Variants in IGF1R observed in about 807,000 individuals in gnomAD.
The protein encoded by IGF1R is insulin like growth factor 1 receptor.
A neutral mutation model predicts 144.6 loss-of-function variants in IGF1R; 44 were observed. The ratio of observed to expected loss-of-function variants is 0.30; its 90% CI spans 0.24 to 0.39. The LOEUF (loss-of-function observed/expected upper bound fraction) is 0.39, where lower values mean the gene tolerates loss of function less well. Ranked by LOEUF, IGF1R falls within the 10% of genes least tolerant of loss-of-function variation. IGF1R has a pLI of 1.00. For missense variants in IGF1R, 1,355 were observed against 1,833.7 expected (o/e 0.74, Z 4.77); for synonymous variants, 795 against 722.8 (o/e 1.10, Z -1.60).
intron 4 of IGF1R, among the ~76,000 whole-genome samples, chr15:98,898,886 T>C (rs891292340): frequency 1.3e-5 from 2 of 152,232 alleles, no homozygotes; most frequent in African/African-American, 4.8e-5. Flanking sequence ...TTCCAACTAT[T>C]TTCTAGTTAT....
chr15:98,700,468 G>C (rs1048671748), intron 1 of IGF1R, among the ~76,000 whole-genome samples: 2 of 152,176 alleles, frequency 1.3e-5, no homozygotes, highest in Non-Finnish European at 2.9e-5. Context: ...TCACAGGGTG[G>C]TGCTTAGGCC....
At chr15:98,786,079 C>T (rs921833430) in intron 2 of IGF1R, among the ~76,000 whole-genome samples, 2 of 152,204 alleles carry the variant, frequency 1.3e-5, no homozygotes, top group East Asian at 1.9e-4. Context: ...CCAGAAATCA[C>T]GTGCACTCCT....
intron 2 of IGF1R, among the ~76,000 whole-genome samples, chr15:98,870,318 C>T (rs570191709): frequency 1.3e-5 from 2 of 152,320 alleles, no homozygotes; most frequent in East Asian, 1.9e-4. Flanking sequence ...ATTGTAAACA[C>T]GATCAGTGCT....
chr15:98,952,471 A>G (rs1192443250), intron 20 of IGF1R, among the ~76,000 whole-genome samples: 1 of 152,244 alleles, frequency 6.6e-6, no homozygotes, highest in Non-Finnish European at 1.5e-5. Context: ...CTGAATCTGC[A>G]TAAAGGTACA....
At position 98,958,130 on chromosome 15, in the gene IGF1R, G is replaced by A. The variant is rs771604620; in HGVS notation, c.*688G>A. The A allele has an allele frequency of 3.9e-5, 9 of 233,520 alleles. No individual in the cohort carries two copies. Among genetic ancestry groups the A allele is most frequent in the African/African-American group, 6.6e-5 (3 of 45,418 alleles). The allele number at this position is 233,520 out of a possible 1,614,324, so 14.5% of individuals were successfully genotyped here. ...GCTGGTTGCTCCATTTGAGAGACAC[G>A]CTGGCGACACACTCCGTCCATCCGA... On this transcript the variant is annotated 3_prime_UTR_variant, in exon 21 of 21. Coordinates refer to ENST00000650285, the MANE Select transcript of IGF1R (RefSeq NM_000875.5).
rs149893400 is a variant in IGF1R at position 98,961,971 on chromosome 15, T to C, written c.*4529T>C. The stretch of plus-strand genomic sequence containing the variant: ...CAAATGGCGAGATGCTCGGTGCACA[T>C]TGGGGTGCTTTGGGATAAAAGATTT... On this transcript the variant is annotated 3_prime_UTR_variant, in exon 21 of 21. Coordinates refer to ENST00000650285, the MANE Select transcript of IGF1R (RefSeq NM_000875.5). The C allele has an allele frequency of 1.3e-3, 302 of 233,316 alleles. 5 individuals are homozygous for C. The East Asian group carries it at 0.015, about 11-fold the overall frequency. 14.5% of individuals were successfully genotyped at this position (233,316 alleles called of 1,614,324 possible). A position where few individuals can be genotyped will look rare whatever the true frequency, so the allele number is the denominator to read the frequency against.
At chr15:98,663,939 A>G (rs1204633240) in intron 1 of IGF1R, among the ~76,000 whole-genome samples, 1 of 152,232 alleles carries the variant, frequency 6.6e-6, no homozygotes, top group Non-Finnish European at 1.5e-5. Flanking sequence ...GACTGGACAC[A>G]TTGTGGTTCT....
At chr15:98,862,833 T>G (rs192346768) in intron 2 of IGF1R, among the ~76,000 whole-genome samples, 140 of 152,320 alleles carry the variant, frequency 9.2e-4, no homozygotes, top group African/African-American at 3.3e-3. Flanking sequence ...AATTTCAGAC[T>G]TGCATAAAGG....
At chr15:98,785,579 G>A (rs1162179391) in intron 2 of IGF1R, among the ~76,000 whole-genome samples, 1 of 152,146 alleles carries the variant, frequency 6.6e-6, no homozygotes, top group African/African-American at 2.4e-5. Context: ...GAGGACTTTA[G>A]CCCCAAAGGT....
intron 1 of IGF1R, among the ~76,000 whole-genome samples, chr15:98,705,052 A>G (rs2141254514): frequency 6.6e-6 from 1 of 152,322 alleles, no homozygotes; most frequent in Non-Finnish European, 1.5e-5. Context: ...ACTCGGATGT[A>G]TACGTTAGAG....
At chr15:98,883,967 CT>C (rs909424370) in intron 2 of IGF1R, among the ~76,000 whole-genome samples, 1 of 152,168 alleles carries the variant, frequency 6.6e-6, no homozygotes, top group African/African-American at 2.4e-5. Flanking sequence ...GTTCATGAGG[CT>C]CCAGATAATT....
At chr15:98,934,767 C>A in intron 15 of IGF1R, 57 bp from the exon 16 acceptor site, 1 of 1,465,134 alleles carries the variant, frequency 6.8e-7, no homozygotes, top group Non-Finnish European at 9.6e-7. Context: ...TCCCCCAAAG[C>A]ACGTTCTGTC....
At chr15:98,672,518 C>T (rs2052920322) in intron 1 of IGF1R, among the ~76,000 whole-genome samples, 1 of 135,438 alleles carries the variant, frequency 7.4e-6, no homozygotes, top group African/African-American at 2.8e-5. Flanking sequence ...TGCAGCGAGA[C>T]AAGATGGCGC....
In IGF1R at chr15:98,948,682, C is replaced by G; in HGVS notation, c.3696C>G (p.Asp1232Glu). The change falls in exon 20 of 21, where the codon GAC becomes GAG. Residue 1232 changes from aspartate to glutamate, a missense_variant. This residue lies in a region of IGF1R where 219 missense variants were observed against 188.8 expected (regional missense o/e 1.16). Coordinates refer to ENST00000650285, the MANE Select transcript of IGF1R (RefSeq NM_000875.5). ...TCGTCATGGAGGGCGGCCTTCTGGA[C>G]AAGCCAGACAACTGTCCTGACATGC... ...LRFVMEGGLLDKPDNCPDMLF... is the reference protein window; with the variant it reads ...LRFVMEGGLLEKPDNCPDMLF... 1.2e-6 allele frequency: 2 copies of G among 1,614,170 alleles called. No homozygotes were observed. Among genetic ancestry groups the G allele is most frequent in the Admixed American group, 1.7e-5 (1 of 60,026 alleles).
At chr15:98,907,585 G>A (rs933748086) in intron 5 of IGF1R, among the ~76,000 whole-genome samples, 2 of 152,244 alleles carry the variant, frequency 1.3e-5, no homozygotes, top group African/African-American at 2.4e-5. Flanking sequence ...AGGCCCATCA[G>A]CACAGAGGAC....
chr15:98,843,512 GTAGT>G (rs1448102469), intron 2 of IGF1R, among the ~76,000 whole-genome samples: 28 of 152,258 alleles, frequency 1.8e-4, no homozygotes, highest in Admixed American at 1.2e-3. Flanking sequence ...ACACGATACA[GTAGT>G]TAGTTTTAAA....
chr15:98,810,511 ACT>A (rs1300435465), intron 2 of IGF1R, among the ~76,000 whole-genome samples: 1 of 149,338 alleles, frequency 6.7e-6, no homozygotes, highest in East Asian at 1.9e-4. Flanking sequence ...CAGGCAAGTA[ACT>A]CTCTTGTAAA....
intron 2 of IGF1R, among the ~76,000 whole-genome samples, chr15:98,766,680 T>C (rs1444842088): frequency 6.6e-6 from 1 of 152,190 alleles, no homozygotes; most frequent in African/African-American, 2.4e-5. Context: ...AACTTGATAA[T>C]GTTAACCTCT....
At chr15:98,672,447 G>A (rs2052918518) in intron 1 of IGF1R, among the ~76,000 whole-genome samples, 1 of 151,956 alleles carries the variant, frequency 6.6e-6, no homozygotes, top group Admixed American at 6.6e-5. Context: ...GTGTGCGCCT[G>A]TAGTCCCAGC....
Sources: gnomAD v4.1 joint callset for allele counts (sites outside exome capture counted in the v4.1 genomes callset) on GRCh38, gnomAD v4.1.1 for gene constraint, gnomAD v4.1.1 regional missense constraint, MANE v1.5 for transcripts, NCBI Gene and HGNC (gene_info 2026-07-23, HGNC 2026-07-21) for gene names.